The following RNLS variants were observed in gnomAD, a reference collection of about 807,000 sequenced individuals.
RNLS encodes the protein renalase, FAD dependent amine oxidase.
A neutral mutation model predicts 39.8 loss-of-function variants in RNLS; 39 were observed. The ratio of observed to expected loss-of-function variants is 0.98; its 90% CI spans 0.76 to 1.28. The LOEUF (loss-of-function observed/expected upper bound fraction) is 1.28, where lower values mean the gene tolerates loss of function less well. RNLS is among the 50% of genes most tolerant of loss of function. RNLS has a pLI of 0.00. For synonymous variants in RNLS, 147 were observed against 150.7 expected (o/e 0.98, Z 0.18); for missense variants, 410 against 413.3 (o/e 0.99, Z 0.07).
chr10:88,338,823 G>A lies in RNLS; in HGVS notation c.700+23729C>T, dbSNP rs190078685. Among the ~76,000 whole-genome samples the A allele has an allele frequency of 5.2e-3, 780 of 148,614 alleles. 8 individuals are homozygous for A. The highest frequency in any genetic ancestry group is 0.019 in the African/African-American group (754 of 40,498). On this transcript the variant is annotated intron_variant, in intron 5 of 6. Coordinates refer to ENST00000331772, the MANE Select transcript of RNLS (RefSeq NM_001031709.3). ...TGTTGCCAGGCTGGAGTGCAGTGGC[G>A]CGATCTCGGCTCACTGCAAGCTCCG...
At chr10:88,479,224 G>A (rs567972432) in intron 4 of RNLS, among the ~76,000 whole-genome samples, 1 of 152,242 alleles carries the variant, frequency 6.6e-6, no homozygotes, top group South Asian at 2.1e-4. Context: ...ATATCAGAGC[G>A]AAAAGTCAAT....
chr10:88,566,977 A>G (rs1849536685), intron 4 of RNLS, among the ~76,000 whole-genome samples: 1 of 152,118 alleles, frequency 6.6e-6, no homozygotes, highest in African/African-American at 2.4e-5. Context: ...AAAGTAAAAT[A>G]TCCCTGAAAG....
chr10:88,375,992 C>A (rs1322669359), intron 4 of RNLS, among the ~76,000 whole-genome samples: 14 of 152,066 alleles, frequency 9.2e-5, no homozygotes, highest in Non-Finnish European at 2.9e-5. Flanking sequence ...GGTTGTCTTA[C>A]GCAGACATAA....
At chr10:88,571,617 G>A (rs1198148150) in intron 4 of RNLS, among the ~76,000 whole-genome samples, 1 of 152,134 alleles carries the variant, frequency 6.6e-6, no homozygotes, top group East Asian at 1.9e-4. Context: ...TGAAACAAAA[G>A]CTAACTGAGC....
intron 4 of RNLS, among the ~76,000 whole-genome samples, chr10:88,549,095 C>T (rs967513542): frequency 1.3e-5 from 2 of 152,250 alleles, no homozygotes; most frequent in African/African-American, 2.4e-5. Context: ...GAACAAGCTA[C>T]AGCTTTTGTC....
chr10:88,386,340 C>A (rs1182921003), intron 4 of RNLS, among the ~76,000 whole-genome samples: 1 of 151,932 alleles, frequency 6.6e-6, no homozygotes, highest in Non-Finnish European at 1.5e-5. Flanking sequence ...AGGAACATAA[C>A]CAAAAGGCTA....
At chr10:88,334,326 T>C (rs980505761) in intron 5 of RNLS, among the ~76,000 whole-genome samples, 2 of 152,194 alleles carry the variant, frequency 1.3e-5, no homozygotes, top group African/African-American at 4.8e-5. Context: ...TGCATACAAA[T>C]CCAATTTGTA....
chr10:88,548,934 TAC>T (rs1323030228), intron 4 of RNLS, among the ~76,000 whole-genome samples: 4 of 152,200 alleles, frequency 2.6e-5, no homozygotes, highest in African/African-American at 9.6e-5. Context: ...AGTGGGCTGA[TAC>T]ACATGGATTT....
intron 5 of RNLS, among the ~76,000 whole-genome samples, chr10:88,360,061 A>C (rs1849517763): frequency 6.6e-6 from 1 of 152,244 alleles, no homozygotes; most frequent in Admixed American, 6.5e-5. Flanking sequence ...GTTTTAAGAA[A>C]CTTTGAAGGT....
intron 3 of RNLS, among the ~76,000 whole-genome samples, chr10:88,575,533 T>C (rs141057449): frequency 1.1e-4 from 17 of 152,004 alleles, no homozygotes; most frequent in Admixed American, 2.6e-4. Context: ...AAAAGCAGCA[T>C]TTATCAAGAG....
At position 88,458,257 on chromosome 10, in the gene RNLS, C is replaced by T. The variant is rs181443866; in HGVS notation, c.527-95532G>A. Among the ~76,000 whole-genome samples, 68 of 152,334 alleles carry T rather than the reference C, an allele frequency of 4.5e-4. 1 individual carries two copies. The East Asian group carries it at 8.3e-3, about 19-fold the overall frequency. On this transcript the variant is annotated intron_variant, in intron 4 of 6. Coordinates refer to ENST00000331772, the MANE Select transcript of RNLS (RefSeq NM_001031709.3). ...GTAGTGCCACATCCATTCTGCAGAA[C>T]ATGTGTGGCAGAAGCATAGCAAAAC...
intron 4 of RNLS, among the ~76,000 whole-genome samples, chr10:88,406,297 C>T (rs151294970): frequency 3.0e-4 from 45 of 152,070 alleles, no homozygotes; most frequent in Non-Finnish European, 5.0e-4. Context: ...AAGTTTTCCT[C>T]GATTACCCCC....
At chr10:88,504,190 T>A (rs1845655936) in intron 4 of RNLS, among the ~76,000 whole-genome samples, 1 of 152,088 alleles carries the variant, frequency 6.6e-6, no homozygotes. Flanking sequence ...AGATTACTTA[T>A]AACAGCAAAA....
intron 6 of RNLS, among the ~76,000 whole-genome samples, chr10:88,310,071 C>T (rs756476179): frequency 6.6e-6 from 1 of 151,878 alleles, no homozygotes; most frequent in Non-Finnish European, 1.5e-5. Context: ...AAAAATTAGC[C>T]GCAGATGGGG....
intron 4 of RNLS, among the ~76,000 whole-genome samples, chr10:88,521,075 T>C (rs938004510): frequency 1.3e-5 from 2 of 152,042 alleles, no homozygotes; most frequent in Non-Finnish European, 2.9e-5. Context: ...ATCTTAATCC[T>C]GGGTAATCTA....
chr10:88,298,928 AT>A (rs1844300878), intron 6 of RNLS, among the ~76,000 whole-genome samples: 1 of 152,216 alleles, frequency 6.6e-6, no homozygotes, highest in African/African-American at 2.4e-5. Flanking sequence ...CATCTTAAAA[AT>A]ATTACCTCTT....
In RNLS at chr10:88,344,087, T is replaced by C. The variant is rs370378264; in HGVS notation, c.700+18465A>G. On this transcript the variant is annotated intron_variant, in intron 5 of 6. Coordinates refer to ENST00000331772, the MANE Select transcript of RNLS (RefSeq NM_001031709.3). Reference sequence around the variant, plus strand: ...TGAAATTTTGTGTTAAGTGGTATTATGATTGGACTATTTTCCTGAATTGGG... The same window carrying C: ...TGAAATTTTGTGTTAAGTGGTATTACGATTGGACTATTTTCCTGAATTGGG... Among the ~76,000 whole-genome samples, 4 of 152,296 alleles carry C rather than the reference T, an allele frequency of 2.6e-5. No individual in the cohort carries two copies. The South Asian group carries it at 6.2e-4, about 24-fold the overall frequency.
intron 4 of RNLS, among the ~76,000 whole-genome samples, chr10:88,504,853 G>GTGTT (rs1359405542): frequency 1.8e-4 from 27 of 150,690 alleles, no homozygotes; most frequent in African/African-American, 5.6e-4. Context: ...GAGTGTGTGT[G>GTGTT]TGTGTGTGTG....
At chr10:88,438,417 A>C (rs979178747) in intron 4 of RNLS, among the ~76,000 whole-genome samples, 5 of 152,244 alleles carry the variant, frequency 3.3e-5, no homozygotes, top group Non-Finnish European at 7.3e-5. Context: ...TATTTTAATA[A>C]AAATTTATGC....
Sources: gnomAD v4.1 joint callset for allele counts (sites outside exome capture counted in the v4.1 genomes callset) on GRCh38, gnomAD v4.1.1 for gene constraint, MANE v1.5 for transcripts, NCBI Gene and HGNC (gene_info 2026-07-23, HGNC 2026-07-21) for gene names.